The following MMP26 variants were observed in gnomAD, a reference collection of about 807,000 sequenced individuals.
MMP26 encodes the protein matrix metalloproteinase-26.
Under a neutral mutation model 31.0 loss-of-function variants are expected in MMP26, and 33 were observed. The ratio of observed to expected loss-of-function variants is 1.06; its 90% CI spans 0.81 to 1.42. MMP26 has a LOEUF of 1.42. MMP26 is among the 40% of genes most tolerant of loss of function. The pLI is 0.00. For synonymous variants in MMP26, 122 were observed against 114.9 expected, an observed-to-expected ratio of 1.06 and a Z score of -0.40; for missense variants, 347 against 316.1, an observed-to-expected ratio of 1.10 and a Z score of -0.74.
chr11:4,915,751 T>A, intron 2 of MMP26: 1 of 815,166 alleles, frequency 1.2e-6, no homozygotes. Flanking sequence ...TGGTGGAAAT[T>A]AAAGAAAAAA....
At chr11:4,952,771 G>C (rs1350917286) in intron 2 of MMP26, among the ~76,000 whole-genome samples, 1 of 124,834 alleles carries the variant, frequency 8.0e-6, no homozygotes, top group Non-Finnish European at 1.8e-5. Context: ...GTGAAAAATA[G>C]CTTTTTTAAA....
chr11:4,738,677 A>G (rs1848273976), intron 1 of MMP26, among the ~76,000 whole-genome samples: 1 of 152,216 alleles, frequency 6.6e-6, no homozygotes, highest in South Asian at 2.1e-4. Flanking sequence ...ACAGAAATAA[A>G]TAGCCTTTTG....
intron 1 of MMP26, among the ~76,000 whole-genome samples, chr11:4,735,161 G>T (rs1038623754): frequency 2.6e-5 from 4 of 152,214 alleles, no homozygotes; most frequent in Admixed American, 6.5e-5. Context: ...TAGCTGTGGG[G>T]AAGGGAAGGG....
intron 2 of MMP26, among the ~76,000 whole-genome samples, chr11:4,928,893 G>A (rs1851308620): frequency 6.6e-6 from 1 of 152,124 alleles, no homozygotes; most frequent in African/African-American, 2.4e-5. Flanking sequence ...AGAGCAGGCA[G>A]GGCCCTCACT....
At chr11:4,888,977 T>C (rs1850580272) in intron 2 of MMP26, among the ~76,000 whole-genome samples, 1 of 152,198 alleles carries the variant, frequency 6.6e-6, no homozygotes, top group African/African-American at 2.4e-5. Context: ...GTACAATCCC[T>C]GCTTTCATAT....
At chr11:4,780,496 ATC>A (rs1215716573) in intron 2 of MMP26, among the ~76,000 whole-genome samples, 5 of 152,074 alleles carry the variant, frequency 3.3e-5, no homozygotes, top group Non-Finnish European at 7.4e-5. Context: ...TAAAAGTTTA[ATC>A]TGTTTTTTTC....
intron 2 of MMP26, among the ~76,000 whole-genome samples, chr11:4,810,951 A>G (rs935264352): frequency 1.3e-5 from 2 of 152,360 alleles, no homozygotes; most frequent in East Asian, 1.9e-4. Context: ...TACAAAGTGC[A>G]ACATACATTT....
chr11:4,709,305 T>C (rs1043160387), intron 1 of MMP26, among the ~76,000 whole-genome samples: 2 of 152,160 alleles, frequency 1.3e-5, no homozygotes, highest in Non-Finnish European at 2.9e-5. Context: ...TATATAAGTA[T>C]CCTGAAGCCT....
At position 4,821,663 on chromosome 11, in the gene MMP26, C is replaced by T. The variant is rs1177817157; in HGVS notation, c.-145+54322C>T. The stretch of plus-strand genomic sequence containing the variant: ...CTGAGCTTGTCCCTGTGTACACTTT[C>T]TACTACCCTTGGTGTCTTCTGGTTT... On this transcript the variant is annotated intron_variant, in intron 2 of 7. Coordinates refer to ENST00000380390, the MANE Select transcript of MMP26 (RefSeq NM_021801.5). 1 of 1,614,074 alleles carries T rather than the reference C, an allele frequency of 6.2e-7. No individual in the cohort carries two copies. The highest frequency in any genetic ancestry group is 8.5e-7 in the Non-Finnish European group (1 of 1,179,964).
intron 2 of MMP26, among the ~76,000 whole-genome samples, chr11:4,790,293 A>G (rs539534062): frequency 6.6e-6 from 1 of 152,316 alleles, no homozygotes; most frequent in African/African-American, 2.4e-5. Flanking sequence ...CGGTGAGCCA[A>G]GATTGCGCCA....
intron 2 of MMP26, among the ~76,000 whole-genome samples, chr11:4,951,854 G>A (rs1264962304): frequency 8.0e-6 from 1 of 124,616 alleles, no homozygotes; most frequent in East Asian, 2.3e-4. Flanking sequence ...GTGCTCTACT[G>A]CCTATTTGTC....
intron 2 of MMP26, among the ~76,000 whole-genome samples, chr11:4,970,697 G>A (rs1274142317): frequency 6.6e-6 from 1 of 152,160 alleles, no homozygotes; most frequent in Non-Finnish European, 1.5e-5. Context: ...TAGTGGTGCT[G>A]GTGAGACCAA....
At chr11:4,978,633 T>A (rs566018518) in intron 2 of MMP26, among the ~76,000 whole-genome samples, 1 of 152,206 alleles carries the variant, frequency 6.6e-6, no homozygotes, top group Non-Finnish European at 1.5e-5. Context: ...ATTAAAAAAA[T>A]TAACACAATG....
intron 2 of MMP26, among the ~76,000 whole-genome samples, chr11:4,838,133 C>G (rs1564791336): frequency 2.0e-5 from 3 of 150,410 alleles, no homozygotes; most frequent in African/African-American, 7.3e-5. Flanking sequence ...CTGGCTAACA[C>G]AGTGAAACCC....
intron 2 of MMP26, among the ~76,000 whole-genome samples, chr11:4,934,259 T>C (rs1332517465): frequency 6.6e-6 from 1 of 150,704 alleles, no homozygotes; most frequent in Non-Finnish European, 1.5e-5. Context: ...CTTTAATGAT[T>C]GCCATTCTAA....
intron 2 of MMP26, among the ~76,000 whole-genome samples, chr11:4,813,923 G>A (rs961834201): frequency 3.9e-5 from 6 of 151,982 alleles, no homozygotes; most frequent in East Asian, 1.9e-4. Flanking sequence ...AGAGAGCCCC[G>A]TAATCCATAA....
intron 2 of MMP26, chr11:4,955,373 G>C (rs779873071): frequency 2.5e-6 from 3 of 1,224,292 alleles, no homozygotes; most frequent in East Asian, 3.0e-5. Context: ...GAGGACTGAG[G>C]ACTCCAGTAC....
At chr11:4,906,221 C>T (rs1459922995) in intron 2 of MMP26, among the ~76,000 whole-genome samples, 1 of 152,190 alleles carries the variant, frequency 6.6e-6, no homozygotes, top group Admixed American at 6.5e-5. Context: ...TACTTATCCA[C>T]TGCTCCATTT....
chr11:4,899,913 A>G (rs1489799291), intron 2 of MMP26, among the ~76,000 whole-genome samples: 2 of 152,228 alleles, frequency 1.3e-5, no homozygotes, highest in Non-Finnish European at 1.5e-5. Context: ...TTTTCCAAGT[A>G]GGTCACCAAA....
Sources: gnomAD v4.1 joint callset for allele counts (sites outside exome capture counted in the v4.1 genomes callset) on GRCh38, gnomAD v4.1.1 for gene constraint, MANE v1.5 for transcripts, NCBI Gene and HGNC (gene_info 2026-07-23, HGNC 2026-07-21) for gene names.